MARCHF5: variants seen among roughly 807,000 people sequenced by gnomAD.
The protein encoded by MARCHF5 is E3 ubiquitin-protein ligase MARCHF5.
MARCHF5 carries 5 observed loss-of-function variants against 36.5 expected under a neutral mutation model. That is an observed-to-expected ratio of 0.14 (90% CI 0.07 to 0.29). The LOEUF is 0.29. Among genes scored for constraint, MARCHF5 ranks in the 10% least tolerant of loss-of-function variants. MARCHF5 has a pLI of 1.00. For missense variants in MARCHF5, 179 were observed against 336.3 expected (o/e 0.53, Z 3.66); for synonymous variants, 103 against 109.9 (o/e 0.94, Z 0.39).
At chr10:92,304,760 G>A (rs1040241063) in intron 1 of MARCHF5, among the ~76,000 whole-genome samples, 1 of 152,120 alleles carries the variant, frequency 6.6e-6, no homozygotes, top group Admixed American at 6.5e-5. Flanking sequence ...AAAAATAAAC[G>A]TGATGGTTTT....
rs531304606 is a variant in MARCHF5, at chr10:92,339,540, G to C, written c.239-1133G>C. ...CAAAAATTAGCTGGGCATGGTGGCA[G>C]ACGCCTGTAATCCTAGCTACTCAGG... On this transcript the variant is annotated intron_variant, in intron 2 of 5. Transcript: ENST00000358935. 4.7e-4 allele frequency among the ~76,000 whole-genome samples: 72 copies of C among 151,812 alleles called. 3 individuals carry two copies. The South Asian group carries it at 6.7e-3, about 14-fold the overall frequency.
chr10:92,295,830 A>AATAC (rs1842943838), intron 1 of MARCHF5, among the ~76,000 whole-genome samples: 1 of 152,112 alleles, frequency 6.6e-6, no homozygotes, highest in South Asian at 2.1e-4. Flanking sequence ...AGGTGGAAAG[A>AATAC]ATACATATAC....
At chr10:92,307,231 G>A (rs530047286) in intron 1 of MARCHF5, among the ~76,000 whole-genome samples, 99 of 150,116 alleles carry the variant, frequency 6.6e-4, no homozygotes, top group Non-Finnish European at 1.1e-3. Flanking sequence ...ATGCACGCAC[G>A]TGCCCTCCCC....
intron 1 of MARCHF5, among the ~76,000 whole-genome samples, chr10:92,292,168 A>T (rs193194796): frequency 3.3e-5 from 5 of 152,260 alleles, no homozygotes; most frequent in Admixed American, 2.0e-4. Context: ...ACGATCGTTG[A>T]GTTCATTGAA....
intron 2 of MARCHF5, among the ~76,000 whole-genome samples, chr10:92,319,154 T>C (rs1564947630): frequency 2.0e-5 from 3 of 152,210 alleles, no homozygotes; most frequent in Non-Finnish European, 2.9e-5. Context: ...AGTAGTGCAA[T>C]GCATCATTCA....
chr10:92,349,546 C>CTGTG lies in MARCHF5; in HGVS notation c.553+15_553+18dup, dbSNP rs770190540. 6 of 1,609,526 alleles carry CTGTG rather than the reference C, an allele frequency of 3.7e-6. No individual in the cohort carries two copies. Among genetic ancestry groups the CTGTG allele is most frequent in the Non-Finnish European group, 5.1e-6 (6 of 1,177,762 alleles). Reference sequence around the variant, plus strand: ...GTATATTTCCAGGTAAGGCACTGAACTGTGGTTGTAAAGTGCATACCAAAT... The same window carrying CTGTG: ...GTATATTTCCAGGTAAGGCACTGAACTGTGTGTGGTTGTAAAGTGCATACCAAAT... On this transcript the variant is annotated intron_variant, in intron 4 of 5. Transcript: ENST00000358935.
chr10:92,337,831 TGCTG>T (rs1843522298), intron 2 of MARCHF5, among the ~76,000 whole-genome samples: 2 of 152,040 alleles, frequency 1.3e-5, no homozygotes, highest in South Asian at 4.1e-4. Context: ...TGAGTACATG[TGCTG>T]GAGAGCGTCG....
intron 2 of MARCHF5, among the ~76,000 whole-genome samples, chr10:92,329,605 T>C (rs534356364): frequency 1.3e-5 from 2 of 152,294 alleles, no homozygotes; most frequent in South Asian, 2.1e-4. Flanking sequence ...AAATATATCA[T>C]TGGTTTATTT....
chr10:92,322,244 CAAAAAAAAAAA>C (rs56391697), intron 2 of MARCHF5, among the ~76,000 whole-genome samples: 13 of 27,750 alleles, frequency 4.7e-4, no homozygotes, highest in East Asian at 1.5e-3. Flanking sequence ...AACTCCGTCT[CAAAAAAAAAAA>C]AAAAAAAAAA....
At chr10:92,297,658 A>T (rs1842963275) in intron 1 of MARCHF5, among the ~76,000 whole-genome samples, 1 of 150,646 alleles carries the variant, frequency 6.6e-6, no homozygotes, top group African/African-American at 2.4e-5. Flanking sequence ...CACCCAGCTA[A>T]TTTTTTGTAT....
At chr10:92,301,584 G>C (rs908618892) in intron 1 of MARCHF5, among the ~76,000 whole-genome samples, 1 of 152,174 alleles carries the variant, frequency 6.6e-6, no homozygotes, top group South Asian at 2.1e-4. Context: ...CAAAAGGCAC[G>C]GCATGAATAT....
chr10:92,308,958 G>A (rs1281107886), intron 1 of MARCHF5, among the ~76,000 whole-genome samples: 3 of 152,256 alleles, frequency 2.0e-5, no homozygotes, highest in African/African-American at 7.2e-5. Context: ...GCCCGCTTCA[G>A]CCTCCCAAAG....
At position 92,302,734 on chromosome 10, in the gene MARCHF5, G is replaced by A. The variant is rs191783785; in HGVS notation, c.36-8401G>A. Among the ~76,000 whole-genome samples, 6 of 152,252 alleles carry A rather than the reference G, an allele frequency of 3.9e-5. No individual in the cohort carries two copies. In the East Asian group the frequency reaches 5.8e-4, roughly 15 times the overall value. ...GCTGGGATTATAGGCGTGAGCCACC[G>A]TGCCCGGCCTAACATGTAGTCTTTT... On this transcript the variant is annotated intron_variant, in intron 1 of 5. Transcript: ENST00000358935.
At chr10:92,296,781 A>G (rs893441847) in intron 1 of MARCHF5, among the ~76,000 whole-genome samples, 2 of 152,146 alleles carry the variant, frequency 1.3e-5, no homozygotes, top group Non-Finnish European at 2.9e-5. Context: ...CCCTCCCACA[A>G]TGGTATAGTG....
At chr10:92,292,830 A>G (rs1179606313) in intron 1 of MARCHF5, among the ~76,000 whole-genome samples, 1 of 152,214 alleles carries the variant, frequency 6.6e-6, no homozygotes, top group Non-Finnish European at 1.5e-5. Flanking sequence ...CCTGGTACTC[A>G]GTAGGTAATC....
intron 1 of MARCHF5, among the ~76,000 whole-genome samples, chr10:92,305,322 G>A (rs1388959029): frequency 6.6e-6 from 1 of 151,994 alleles, no homozygotes; most frequent in Non-Finnish European, 1.5e-5. Context: ...CAGGAGATTT[G>A]CTTGAACCTG....
At chr10:92,315,069 A>G (rs1331521818) in intron 2 of MARCHF5, among the ~76,000 whole-genome samples, 2 of 152,248 alleles carry the variant, frequency 1.3e-5, no homozygotes, top group Non-Finnish European at 2.9e-5. Context: ...TGCTCTAGCT[A>G]TGCTGATTCC....
chr10:92,329,443 T>G (rs1266173509), intron 2 of MARCHF5, among the ~76,000 whole-genome samples: 1 of 152,218 alleles, frequency 6.6e-6, no homozygotes, highest in African/African-American at 2.4e-5. Flanking sequence ...TAAAACTTCA[T>G]GGCTTCAATT....
chr10:92,352,684 T>C lies in MARCHF5; in HGVS notation c.*1477T>C, dbSNP rs1437625252. 2 of 152,562 alleles carry C rather than the reference T, an allele frequency of 1.3e-5. No individual in the cohort carries two copies. The highest frequency in any genetic ancestry group is 2.9e-5 in the Non-Finnish European group (2 of 68,030). The allele number at this position is 152,562 out of a possible 1,614,324, so 9.5% of individuals were successfully genotyped here. A position where few individuals can be genotyped will look rare whatever the true frequency, so the allele number is the denominator to read the frequency against. On this transcript the variant is annotated 3_prime_UTR_variant, in exon 6 of 6. Coordinates refer to ENST00000358935, the MANE Select transcript of MARCHF5 (RefSeq NM_017824.5). ...TAGTTTGCAATAATATATGTTAACT[T>C]TAGTAATTAAAGACTGGTTTCTATA...
Sources: gnomAD v4.1 joint callset for allele counts (sites outside exome capture counted in the v4.1 genomes callset) on GRCh38, gnomAD v4.1.1 for gene constraint, MANE v1.5 for transcripts, NCBI Gene and HGNC (gene_info 2026-07-23, HGNC 2026-07-21) for gene names.